The following MAP3K4 variants were observed in gnomAD, a reference collection of about 807,000 sequenced individuals.
The protein encoded by MAP3K4 is MAP three kinase 1.
A neutral mutation model predicts 185.6 loss-of-function variants in MAP3K4; 67 were observed. The observed-to-expected ratio is 0.36, with a 90% CI of 0.30 to 0.44. The LOEUF is 0.44. MAP3K4 is among the 20% of genes least tolerant of loss of function. The probability of loss-of-function intolerance (pLI) is 1.00; values close to 1 mark genes in which losing one functional copy is unlikely to be tolerated. For synonymous variants in MAP3K4, 702 were observed against 710.4 expected (o/e 0.99, Z 0.19); for missense variants, 1,551 against 1,995.1 (o/e 0.78, Z 4.24).
chr6:161,107,044 GC>G lies in MAP3K4; in HGVS notation c.4048+340del, dbSNP rs1778107593. On this transcript the variant is annotated intron_variant, in intron 20 of 26. Coordinates refer to ENST00000392142, the MANE Select transcript of MAP3K4 (RefSeq NM_005922.4). The surrounding 1 kb of genome is among the most constrained non-coding windows in gnomAD (Gnocchi z 6.2). ...AGTTTCTCTCTCTCTCTCTACACAC[GC>G]GCGCGCACACACACACACACACACA... 3.2e-5 allele frequency among the ~76,000 whole-genome samples: 1 copy of G among 31,350 alleles called. No homozygotes were observed. The highest frequency in any genetic ancestry group is 7.4e-5 in the African/African-American group (1 of 13,478). 20.6% of individuals were successfully genotyped at this position (31,350 alleles called of 152,430 possible).
rs182007580 is a variant in MAP3K4, at chr6:161,040,813, A to T, written c.343+6364A>T. 2.0e-3 allele frequency among the ~76,000 whole-genome samples: 308 copies of T among 152,370 alleles called. 1 individual carries two copies. Among genetic ancestry groups the T allele is most frequent in the East Asian group, 2.3e-3 (12 of 5,190 alleles). On this transcript the variant is annotated intron_variant, in intron 2 of 26. Coordinates refer to ENST00000392142, the MANE Select transcript of MAP3K4 (RefSeq NM_005922.4). ...ATAAATGTCAACAAGTTTGTTCAGT[A>T]AGAGGATATTATCTTTGTGCAAATA...
rs1222913910 is a variant in MAP3K4 at position 161,037,894 on chromosome 6, G to A, written c.343+3445G>A. ...TCGTGTAGCTACTGTTCCTGCTTCT[G>A]TCCTGCCTGGACTACACATTTCCTT... On this transcript the variant is annotated intron_variant, in intron 2 of 26. Transcript: ENST00000392142. This position sits in a 1 kb window ranked among gnomAD's most constrained non-coding sequence, Gnocchi z 4.2. 6.6e-6 allele frequency among the ~76,000 whole-genome samples: 1 copy of A among 152,024 alleles called. No individual in the cohort carries two copies. Among genetic ancestry groups the A allele is most frequent in the Non-Finnish European group, 1.5e-5 (1 of 67,998 alleles).
intron 1 of MAP3K4, among the ~76,000 whole-genome samples, chr6:161,012,375 A>C (rs1257016159): frequency 6.6e-6 from 1 of 152,194 alleles, no homozygotes; most frequent in Non-Finnish European, 1.5e-5. Flanking sequence ...CTCCCCAGCC[A>C]GATAATCTTT....
intron 1 of MAP3K4, among the ~76,000 whole-genome samples, chr6:161,016,398 T>G (rs1407643284): frequency 6.6e-6 from 1 of 152,256 alleles, no homozygotes; most frequent in Non-Finnish European, 1.5e-5. Flanking sequence ...TTCGTGCTTT[T>G]GTATCATATC....
At chr6:161,104,984 C>A (rs1216679553) in intron 19 of MAP3K4, among the ~76,000 whole-genome samples, 1 of 152,178 alleles carries the variant, frequency 6.6e-6, no homozygotes, top group East Asian at 1.9e-4. Flanking sequence ...ATCTCTTCAT[C>A]TGAGCCAGAA....
chr6:161,091,929 A>G lies in MAP3K4; in HGVS notation c.3136-81A>G. On this transcript the variant is annotated intron_variant, in intron 12 of 26. Coordinates refer to ENST00000392142, the MANE Select transcript of MAP3K4 (RefSeq NM_005922.4). The surrounding 1 kb of genome is among the most constrained non-coding windows in gnomAD (Gnocchi z 5.5). ...ATTTCACTTTTTGTTTTTAGAAAAC[A>G]TTTTAGACATGGCATTATAGTGTGT... The G allele has an allele frequency of 9.2e-6, 11 of 1,200,480 alleles. No individual in the cohort carries two copies. Among genetic ancestry groups the G allele is most frequent in the Non-Finnish European group, 1.3e-5 (11 of 841,490 alleles). 74.4% of individuals were successfully genotyped at this position (1,200,480 alleles called of 1,614,324 possible). A position where few individuals can be genotyped will look rare whatever the true frequency, so the allele number is the denominator to read the frequency against.
In MAP3K4 at chr6:161,091,427, G is replaced by A. The variant is rs766283480; in HGVS notation, c.3022G>A (p.Val1008Met). The change falls in exon 12 of 27, where the codon GTG (valine) becomes ATG (methionine). Residue 1008 changes from valine (V) to methionine (M), a missense_variant. By Grantham distance (21) the Val-to-Met change is conservative. Around this residue, in one of 16 missense-constraint regions of MAP3K4, gnomAD observed 261 missense variants for 306.5 expected, o/e 0.85. Transcript: ENST00000392142. This position sits in a 1 kb window ranked among gnomAD's most constrained non-coding sequence, Gnocchi z 5.5. ...CNRISNAIDR[V>M]DHMFTSEFDA... ...CAGGATAAGCAATGCCATTGACCGCGTGGACCACATGTTCACATCAGAATT... is the reference window on the plus strand; with the variant it reads ...CAGGATAAGCAATGCCATTGACCGCATGGACCACATGTTCACATCAGAATT... 7 of 1,614,042 alleles carry A rather than the reference G, an allele frequency of 4.3e-6. No individual in the cohort carries two copies. Among genetic ancestry groups the A allele is most frequent in the East Asian group, 2.2e-5 (1 of 44,860 alleles).
Position 161,017,708 on chromosome 6 carries a change from T to C in MAP3K4, c.153-16551T>C, listed in dbSNP as rs1334328157. Among the ~76,000 whole-genome samples, 1 of 152,194 alleles carries C rather than the reference T, an allele frequency of 6.6e-6. No individual in the cohort carries two copies. The highest frequency in any genetic ancestry group is 1.9e-4 in the East Asian group (1 of 5,202). ...TTTATGTAAAGTAAACATAAACATA[T>C]ACATATTTTTGAACAAAATTTCCTT... is the stretch of plus-strand genomic sequence containing the variant. On this transcript the variant is annotated intron_variant, in intron 1 of 26. Coordinates refer to ENST00000392142, the MANE Select transcript of MAP3K4 (RefSeq NM_005922.4). The surrounding 1 kb of genome is among the most constrained non-coding windows in gnomAD (Gnocchi z 5.1).
At chr6:161,090,888 T>G (rs1291150738) in intron 11 of MAP3K4, among the ~76,000 whole-genome samples, 1 of 152,230 alleles carries the variant, frequency 6.6e-6, no homozygotes, top group Admixed American at 6.5e-5. Context: ...TCCTCCAAAT[T>G]TTGACCATCA....
At chr6:161,113,010 C>T (rs1409037586) in intron 25 of MAP3K4, among the ~76,000 whole-genome samples, 1 of 151,968 alleles carries the variant, frequency 6.6e-6, no homozygotes, top group East Asian at 1.9e-4. Context: ...AAGCATAAAC[C>T]TCTAATTAAA....
intron 11 of MAP3K4, among the ~76,000 whole-genome samples, chr6:161,090,990 A>G (rs1267114290): frequency 6.6e-6 from 1 of 152,204 alleles, no homozygotes; most frequent in Non-Finnish European, 1.5e-5. Flanking sequence ...TAGCAGGGAA[A>G]TGAGGACAGC....
chr6:161,107,968 A>T lies in MAP3K4; in HGVS notation c.4118A>T (p.Glu1373Val). 6.2e-7 allele frequency: 1 copy of T among 1,613,714 alleles called. No homozygotes were observed. Among genetic ancestry groups the T allele is most frequent in the Non-Finnish European group, 8.5e-7 (1 of 1,179,938 alleles). ...ACCGGGGAGCTGATGGCCATGAAAGAGGTGAGTCACCTGGCTCCGTGGGGC... is the reference window on the plus strand; with the variant it reads ...ACCGGGGAGCTGATGGCCATGAAAGTGGTGAGTCACCTGGCTCCGTGGGGC... ...VDTGELMAMK[E>V]IRFQPNDHKT... Residue 1373 changes from glutamate (E) to valine (V), a missense_variant and splice_region_variant, in exon 21 of 27, where the codon GAG (glutamate) becomes GTG (valine). By Grantham distance (121) the Glu-to-Val change is moderately radical. Coordinates refer to ENST00000392142, the MANE Select transcript of MAP3K4 (RefSeq NM_005922.4). This position sits in a 1 kb window ranked among gnomAD's most constrained non-coding sequence, Gnocchi z 6.2.
At position 161,049,048 on chromosome 6, in the gene MAP3K4, G is replaced by T. The variant is rs766268014; in HGVS notation, c.776G>T (p.Arg259Leu). The change falls in exon 3 of 27, where the codon CGA (arginine) becomes CTA (leucine). Residue 259 changes from arginine (R) to leucine (L), a missense_variant. Arg to Leu is a moderately radical substitution (Grantham distance 102). This residue lies in a region of MAP3K4 where 69 missense variants were observed against 124.8 expected (regional missense o/e 0.55). Transcript: ENST00000392142. This position sits in a 1 kb window ranked among gnomAD's most constrained non-coding sequence, Gnocchi z 8.4. Reference protein sequence around the residue: ...QENTSGFWLNRSNELIWLELQ... With the variant: ...QENTSGFWLNLSNELIWLELQ... ...AATACGTCTGGTTTCTGGCTTAACC[G>T]ATCTAACGAACTGATCTGGTTAGAG... The T allele has an allele frequency of 6.2e-7, 1 of 1,613,958 alleles. No homozygotes were observed. Among genetic ancestry groups the T allele is most frequent in the East Asian group, 2.2e-5 (1 of 44,866 alleles).
rs1198112595 is a variant in MAP3K4, at chr6:161,103,331, G to C, written c.3856+552G>C. 2.0e-5 allele frequency among the ~76,000 whole-genome samples: 3 copies of C among 152,208 alleles called. No individual in the cohort carries two copies. Among genetic ancestry groups the C allele is most frequent in the Admixed American group, 2.0e-4 (3 of 15,282 alleles). On this transcript the variant is annotated intron_variant, in intron 19 of 26. Transcript: ENST00000392142. The surrounding 1 kb of genome is among the most constrained non-coding windows in gnomAD (Gnocchi z 4.6). ...GTAAATGAGAGGGTGAGGACCAGAA[G>C]GCACTTGTCTCAAGTCTAGCGCACT...
chr6:161,035,057 A>G (rs1480853661), intron 2 of MAP3K4, among the ~76,000 whole-genome samples: 4 of 151,950 alleles, frequency 2.6e-5, no homozygotes, highest in Non-Finnish European at 2.9e-5. Flanking sequence ...CTTTCCCCCC[A>G]ACCTCCTTTT....
rs1475385402 is a variant in MAP3K4 at position 161,051,109 on chromosome 6, A to C, written c.1707+1130A>C. On this transcript the variant is annotated intron_variant, in intron 3 of 26. Transcript: ENST00000392142. The surrounding 1 kb of genome is among the most constrained non-coding windows in gnomAD (Gnocchi z 4.2). ...AGTTTGGGGAATAATGGCAAGAAAA[A>C]AGTTTGTACATGTTTAATACAGATG... 1.3e-5 allele frequency among the ~76,000 whole-genome samples: 2 copies of C among 152,244 alleles called. No individual in the cohort carries two copies. The highest frequency in any genetic ancestry group is 2.9e-5 in the Non-Finnish European group (2 of 68,048).
chr6:161,089,168 T>C (rs1176170449), intron 10 of MAP3K4, among the ~76,000 whole-genome samples, 154 bp from the exon 11 acceptor site: 1 of 152,198 alleles, frequency 6.6e-6, no homozygotes, highest in East Asian at 1.9e-4. Context: ...CGTGTTGCTG[T>C]GTAGGAGAAG....
rs1275060401 is a variant in MAP3K4 at position 161,075,993 on chromosome 6, ACCCTT to A, written c.2097+2382_2097+2386del. On this transcript the variant is annotated intron_variant, in intron 5 of 26. Coordinates refer to ENST00000392142, the MANE Select transcript of MAP3K4 (RefSeq NM_005922.4). This position sits in a 1 kb window ranked among gnomAD's most constrained non-coding sequence, Gnocchi z 4.3. ...AATTGGCAGTCAAATTATGTTTAAC[ACCCTT>A]GTCTGGAAACCCACCGAAAACAGCA... Among the ~76,000 whole-genome samples, 1 of 152,014 alleles carries A rather than the reference ACCCTT, an allele frequency of 6.6e-6. No homozygotes were observed. The highest frequency in any genetic ancestry group is 1.5e-5 in the Non-Finnish European group (1 of 68,000).
rs997299494 is a variant in MAP3K4 at position 161,088,349 on chromosome 6, C to T, written c.2823+395C>T. Among the ~76,000 whole-genome samples the T allele has an allele frequency of 3.3e-5, 5 of 152,156 alleles. No individual in the cohort carries two copies. The highest frequency in any genetic ancestry group is 2.0e-4 in the Admixed American group (3 of 15,280). The stretch of plus-strand genomic sequence containing the variant: ...TTTTTTGTAGTGAAGGCTATCCCCT[C>T]CCTACCTAACAGGGACCTCGTGACA... On this transcript the variant is annotated intron_variant, in intron 10 of 26. Coordinates refer to ENST00000392142, the MANE Select transcript of MAP3K4 (RefSeq NM_005922.4). The surrounding 1 kb of genome is among the most constrained non-coding windows in gnomAD (Gnocchi z 4.5).
Sources: allele counts gnomAD v4.1 joint callset (sites outside exome capture counted in the v4.1 genomes callset), GRCh38; gene constraint gnomAD v4.1.1; regional missense constraint gnomAD v4.1.1; non-coding constraint Gnocchi (gnomAD v3.1); transcripts MANE v1.5; gene names NCBI Gene and HGNC (gene_info 2026-07-23, HGNC 2026-07-21).